Variants in CSMD1 observed in about 807,000 individuals in gnomAD.
CSMD1 encodes CUB and sushi domain-containing protein 1.
CSMD1 carries 213 observed loss-of-function variants against 417.5 expected under a neutral mutation model. The ratio of observed to expected loss-of-function variants is 0.51; its 90% CI spans 0.46 to 0.57. The LOEUF (loss-of-function observed/expected upper bound fraction) is 0.57. Among genes scored for constraint, CSMD1 ranks in the 20% least tolerant of loss-of-function variants. CSMD1 has a pLI of 0.00. For missense variants in CSMD1, 6,923 were observed against 4,529.7 expected (o/e 1.53, Z -15.17); for synonymous variants, 2,862 against 1,736.8 (o/e 1.65, Z -16.11).
chr8:3,371,570 G>A (rs187941535), intron 18 of CSMD1, among the ~76,000 whole-genome samples: 2 of 151,576 alleles, frequency 1.3e-5, no homozygotes, highest in South Asian at 4.2e-4. Context: ...TGAAGTAAAT[G>A]ATACTCAGAA....
intron 3 of CSMD1, among the ~76,000 whole-genome samples, chr8:4,082,598 C>G (rs555238047): frequency 6.8e-6 from 1 of 146,616 alleles, no homozygotes; most frequent in East Asian, 2.1e-4. Flanking sequence ...AAAAACCTTT[C>G]TTTTTTCGTT....
At chr8:4,241,765 G>A (rs984001698) in intron 3 of CSMD1, among the ~76,000 whole-genome samples, 7 of 149,764 alleles carry the variant, frequency 4.7e-5, no homozygotes, top group East Asian at 3.9e-4. Context: ...GTGCAGTGGC[G>A]TGATCTCAGA....
At chr8:3,376,711 A>G (rs1280149117) in intron 18 of CSMD1, among the ~76,000 whole-genome samples, 3 of 152,174 alleles carry the variant, frequency 2.0e-5, no homozygotes, top group Admixed American at 6.5e-5. Context: ...GAGTAATGTT[A>G]AAAACACACT....
At chr8:3,145,991 T>C (rs765679154) in intron 40 of CSMD1, among the ~76,000 whole-genome samples, 2 of 152,240 alleles carry the variant, frequency 1.3e-5, no homozygotes, top group Admixed American at 6.5e-5. Context: ...TTTTAGTTGA[T>C]AGAACCTGTG....
intron 2 of CSMD1, among the ~76,000 whole-genome samples, chr8:4,455,083 G>A (rs529671414): frequency 1.3e-5 from 2 of 152,212 alleles, no homozygotes; most frequent in African/African-American, 4.8e-5. Flanking sequence ...TGCTATACAG[G>A]AATTTTTTCT....
intron 5 of CSMD1, among the ~76,000 whole-genome samples, chr8:3,936,988 C>G (rs988589740): frequency 2.0e-5 from 3 of 152,084 alleles, no homozygotes; most frequent in Non-Finnish European, 4.4e-5. Context: ...GATTTCAATC[C>G]TCGTGAATGA....
intron 2 of CSMD1, among the ~76,000 whole-genome samples, chr8:4,631,009 A>C (rs895948157): frequency 2.0e-5 from 3 of 152,158 alleles, no homozygotes; most frequent in Non-Finnish European, 4.4e-5. Context: ...AAAAGCTTTG[A>C]CAGTGGCTTC....
At chr8:3,372,975 A>G (rs1246737156) in intron 18 of CSMD1, among the ~76,000 whole-genome samples, 2 of 152,182 alleles carry the variant, frequency 1.3e-5, no homozygotes, top group East Asian at 1.9e-4. Flanking sequence ...TCACTGGTCT[A>G]TGATTGGATT....
At chr8:2,955,291 C>T (rs1802920739) in intron 64 of CSMD1, among the ~76,000 whole-genome samples, 1 of 152,168 alleles carries the variant, frequency 6.6e-6, no homozygotes, top group South Asian at 2.1e-4. Flanking sequence ...ACTCAGAATG[C>T]TTTTCTTTAA....
chr8:4,883,346 C>T (rs1803534692), intron 1 of CSMD1, among the ~76,000 whole-genome samples: 1 of 152,002 alleles, frequency 6.6e-6, no homozygotes, highest in Admixed American at 6.6e-5. Context: ...ATATAATTTA[C>T]ATATCATAAA....
intron 21 of CSMD1, among the ~76,000 whole-genome samples, chr8:3,354,739 C>T (rs1808627983): frequency 6.7e-6 from 1 of 150,232 alleles, no homozygotes; most frequent in Admixed American, 6.6e-5. Context: ...ATTTTTTAAC[C>T]CAAAATTAAA....
At chr8:4,583,424 G>T (rs1044344993) in intron 2 of CSMD1, among the ~76,000 whole-genome samples, 4 of 152,180 alleles carry the variant, frequency 2.6e-5, no homozygotes, top group Admixed American at 2.6e-4. Flanking sequence ...CTCAGGGTTT[G>T]TGAGTGCACC....
At chr8:4,985,886 G>C (rs901411570) in intron 1 of CSMD1, among the ~76,000 whole-genome samples, 2 of 152,178 alleles carry the variant, frequency 1.3e-5, no homozygotes, top group African/African-American at 2.4e-5. Flanking sequence ...AAGGGGAAAA[G>C]AGACACAACA....
intron 4 of CSMD1, among the ~76,000 whole-genome samples, chr8:4,012,101 T>C (rs1042977817): frequency 6.6e-6 from 1 of 152,134 alleles, no homozygotes; most frequent in East Asian, 1.9e-4. Context: ...ATAGCCACAA[T>C]GAAACATTTT....
chr8:4,429,668 C>G (rs142083974), intron 2 of CSMD1, among the ~76,000 whole-genome samples: 171 of 152,150 alleles, frequency 1.1e-3, no homozygotes, highest in Non-Finnish European at 2.0e-3. Flanking sequence ...CTGGGTACCC[C>G]AAGAGATGGA....
At chr8:3,719,094 G>C (rs118079172) in intron 6 of CSMD1, among the ~76,000 whole-genome samples, 3 of 152,262 alleles carry the variant, frequency 2.0e-5, no homozygotes, top group Non-Finnish European at 4.4e-5. Context: ...TGTCTCAGAC[G>C]ATTCGCAAAT....
intron 5 of CSMD1, among the ~76,000 whole-genome samples, chr8:3,893,000 CAG>C (rs1807089151): frequency 6.6e-6 from 1 of 151,744 alleles, no homozygotes; most frequent in African/African-American, 2.4e-5. Flanking sequence ...AATCATGGTT[CAG>C]TTTTCACACT....
intron 5 of CSMD1, among the ~76,000 whole-genome samples, chr8:3,814,509 C>T (rs547782283): frequency 2.0e-5 from 3 of 152,192 alleles, no homozygotes; most frequent in East Asian, 1.9e-4. Context: ...TCCTCCCTTC[C>T]GTGACGCCAT....
intron 3 of CSMD1, among the ~76,000 whole-genome samples, chr8:4,033,220 C>A (rs574216006): frequency 1.3e-5 from 2 of 149,350 alleles, no homozygotes; most frequent in Non-Finnish European, 3.0e-5. Context: ...GCAGGAGGAT[C>A]GTGAGGTCAA....
Sources: allele counts gnomAD v4.1 joint callset (sites outside exome capture counted in the v4.1 genomes callset), GRCh38; gene constraint gnomAD v4.1.1; transcripts MANE v1.5; gene names NCBI Gene and HGNC (gene_info 2026-07-23, HGNC 2026-07-21).